The following CDK13 variants were observed in gnomAD, a reference collection of about 807,000 sequenced individuals.
CDK13 encodes cyclin dependent kinase 13.
In CDK13, 40 loss-of-function variants were observed where a neutral mutation model predicts 137.6. That is an observed-to-expected ratio of 0.29 (90% CI 0.23 to 0.38). The LOEUF (loss-of-function observed/expected upper bound fraction) is 0.38. Ranked by LOEUF, CDK13 falls within the 10% of genes least tolerant of loss-of-function variation. The probability of loss-of-function intolerance (pLI) is 1.00; values close to 1 mark genes in which losing one functional copy is unlikely to be tolerated. For missense variants in CDK13, 1,704 were observed against 1,951.8 expected (o/e 0.87, Z 2.39); for synonymous variants, 869 against 760.1 (o/e 1.14, Z -2.36).
chr7:40,042,924 T>C (rs1213917552), intron 5 of CDK13, among the ~76,000 whole-genome samples: 2 of 151,994 alleles, frequency 1.3e-5, no homozygotes. Context: ...ATTACAGGTG[T>C]GCACTACCAC....
At chr7:40,079,419 CA>C (rs202161573) in intron 11 of CDK13, among the ~76,000 whole-genome samples, 231 of 141,832 alleles carry the variant, frequency 1.6e-3, no homozygotes, top group African/African-American at 2.9e-3. Context: ...GACTCCGTCT[CA>C]AAAAAAAAAA....
chr7:40,091,264 C>T lies in CDK13; in HGVS notation c.3236-1521C>T, dbSNP rs540213283. Among the ~76,000 whole-genome samples the T allele has an allele frequency of 1.1e-4, 17 of 152,216 alleles. No individual in the cohort carries two copies. In the South Asian group the frequency reaches 2.7e-3, roughly 24 times the overall value. On this transcript the variant is annotated intron_variant, in intron 12 of 13. Transcript: ENST00000181839. The stretch of plus-strand genomic sequence containing the variant: ...TCGGGAGGCTGAGGCAGGAGAATGG[C>T]GTGAACCCAGAAGGCGGAGCTTGCA...
intron 13 of CDK13, among the ~76,000 whole-genome samples, chr7:40,093,876 A>T (rs1786981296): frequency 6.7e-6 from 1 of 150,174 alleles, no homozygotes; most frequent in African/African-American, 2.5e-5. Flanking sequence ...ACTGCACTCC[A>T]GTCTGGGTGA....
intron 5 of CDK13, among the ~76,000 whole-genome samples, chr7:40,008,069 T>G (rs908793294): frequency 6.6e-6 from 1 of 152,210 alleles, no homozygotes; most frequent in Non-Finnish European, 1.5e-5. Context: ...TCTGAATTTA[T>G]ATTCCCGCAG....
At chr7:40,014,701 C>CCTCCCAAA (rs1784969128) in intron 5 of CDK13, among the ~76,000 whole-genome samples, 25 of 152,136 alleles carry the variant, frequency 1.6e-4, no homozygotes, top group Non-Finnish European at 2.9e-4. Flanking sequence ...AGTGATCCAC[C>CCTCCCAAA]TGCCTTGGCC....
chr7:40,004,077 G>A (rs1784749436), intron 5 of CDK13, among the ~76,000 whole-genome samples: 1 of 152,146 alleles, frequency 6.6e-6, no homozygotes, highest in Non-Finnish European at 1.5e-5. Flanking sequence ...CTGGACCATA[G>A]AATGTGCTGA....
At chr7:40,043,831 CAAA>C (rs112749380) in intron 5 of CDK13, among the ~76,000 whole-genome samples, 1 of 97,676 alleles carries the variant, frequency 1.0e-5, no homozygotes, top group Admixed American at 1.1e-4. Context: ...GACCCTGTCT[CAAA>C]AAAAAAAAAG....
At chr7:40,081,965 A>T (rs563348582) in intron 11 of CDK13, among the ~76,000 whole-genome samples, 2 of 152,354 alleles carry the variant, frequency 1.3e-5, no homozygotes, top group Non-Finnish European at 1.5e-5. Context: ...TTGGAAGTAC[A>T]ACCTAATGAA....
At chr7:40,074,632 G>A (rs1338895045) in intron 9 of CDK13, among the ~76,000 whole-genome samples, 1 of 151,946 alleles carries the variant, frequency 6.6e-6, no homozygotes, top group African/African-American at 2.4e-5. Flanking sequence ...TGAGGCAGGA[G>A]GATCACTTGA....
At position 40,094,643 on chromosome 7, in the gene CDK13, C is replaced by T; in HGVS notation, c.4202C>T (p.Pro1401Leu). The T allele has an allele frequency of 3.7e-6, 6 of 1,614,096 alleles. No homozygotes were observed. Among genetic ancestry groups the T allele is most frequent in the Non-Finnish European group, 4.2e-6 (5 of 1,180,010 alleles). Residue 1401 changes from proline to leucine, a missense_variant, in exon 14 of 14, where the codon CCC becomes CTC. Coordinates refer to ENST00000181839, the MANE Select transcript of CDK13 (RefSeq NM_003718.5). ...PQPSAFSESF[P>L]SSVAGYGDIY... is the part of the protein sequence containing the mutation. Reference sequence around the variant, plus strand: ...CCTTCTGCCTTTTCTGAGTCATTTCCCAGTTCAGTAGCTGGATATGGAGAC... The same window carrying T: ...CCTTCTGCCTTTTCTGAGTCATTTCTCAGTTCAGTAGCTGGATATGGAGAC...
intron 5 of CDK13, among the ~76,000 whole-genome samples, chr7:40,028,912 C>A (rs556104011): frequency 1.3e-5 from 2 of 151,714 alleles, no homozygotes; most frequent in East Asian, 3.9e-4. Context: ...CCAGTGTTAA[C>A]AGCTTAGTAT....
In CDK13 at chr7:39,951,300, A is replaced by G. The variant is rs1380415443; in HGVS notation, c.659A>G (p.Asp220Gly). ...KERHREHRRR[D>G]GQRGGSEASK... is the part of the protein sequence containing the mutation. ...CGCCACCGCGAGCACCGGCGGCGGG[A>G]TGGGCAGCGCGGTGGCAGCGAGGCC... is the stretch of plus-strand genomic sequence containing the variant. Residue 220 changes from aspartate to glycine, a missense_variant, in exon 1 of 14, where the codon GAT becomes GGT. This residue lies in a region of CDK13 where 1,051 missense variants were observed against 931.0 expected (regional missense o/e 1.13). Transcript: ENST00000181839. 1.5e-5 allele frequency: 20 copies of G among 1,370,018 alleles called. No homozygotes were observed. Among genetic ancestry groups the G allele is most frequent in the Non-Finnish European group, 1.9e-5 (20 of 1,071,050 alleles). 84.9% of individuals were successfully genotyped at this position (1,370,018 alleles called of 1,614,324 possible). A position where few individuals can be genotyped will look rare whatever the true frequency, so the allele number is the denominator to read the frequency against.
At chr7:40,000,583 A>T (rs187741894) in intron 4 of CDK13, among the ~76,000 whole-genome samples, 7 of 152,328 alleles carry the variant, frequency 4.6e-5, no homozygotes, top group African/African-American at 1.7e-4. Flanking sequence ...CAGCTATTAG[A>T]GGCCATATAG....
intron 2 of CDK13, among the ~76,000 whole-genome samples, chr7:39,995,162 TTTA>T (rs1294988142): frequency 1.3e-5 from 2 of 152,176 alleles, no homozygotes; most frequent in East Asian, 1.9e-4. Context: ...CATTTTCTAT[TTTA>T]TTATTGCAAA....
At chr7:40,003,196 A>ACCCT (rs1181645921) in intron 5 of CDK13, among the ~76,000 whole-genome samples, 1 of 107,546 alleles carries the variant, frequency 9.3e-6, no homozygotes, top group Non-Finnish European at 1.9e-5. Flanking sequence ...ACACACACAC[A>ACCCT]CACACACACA....
At chr7:40,092,108 A>C (rs1416349329) in intron 12 of CDK13, 1 of 134,286 alleles carries the variant, frequency 7.4e-6, no homozygotes. Flanking sequence ...ACCCAAAGTT[A>C]CAAAAAAAAA....
At chr7:40,044,019 C>T (rs186327604) in intron 5 of CDK13, among the ~76,000 whole-genome samples, 4 of 151,692 alleles carry the variant, frequency 2.6e-5, no homozygotes, top group Admixed American at 6.6e-5. Flanking sequence ...GCCTCAGCCT[C>T]TGGAGCAGCT....
intron 9 of CDK13, chr7:40,070,817 A>G (rs914545621): frequency 4.6e-5 from 7 of 152,172 alleles, no homozygotes; most frequent in Admixed American, 4.6e-4. Context: ...CCATATATAT[A>G]TATATATATT....
intron 5 of CDK13, among the ~76,000 whole-genome samples, chr7:40,021,226 G>A (rs1313267232): frequency 6.6e-6 from 1 of 152,066 alleles, no homozygotes; most frequent in Non-Finnish European, 1.5e-5. Context: ...ACTGGGCGCG[G>A]TGGCTCACGC....
Sources: allele counts gnomAD v4.1 joint callset (sites outside exome capture counted in the v4.1 genomes callset), GRCh38; gene constraint gnomAD v4.1.1; regional missense constraint gnomAD v4.1.1; transcripts MANE v1.5; gene names NCBI Gene and HGNC (gene_info 2026-07-23, HGNC 2026-07-21).